The following RASA2 variants were observed in gnomAD, a reference collection of about 807,000 sequenced individuals.
RASA2 encodes RAS p21 protein activator 2, also known as ras GTPase-activating protein 2.
Under a neutral mutation model 118.2 loss-of-function variants are expected in RASA2, and 155 were observed. The ratio of observed to expected loss-of-function variants is 1.31; its 90% CI spans 1.15 to 1.50. The LOEUF (loss-of-function observed/expected upper bound fraction) is 1.50, where lower values mean the gene tolerates loss of function less well. Ranked by LOEUF, RASA2 falls within the 40% of genes most tolerant of loss-of-function variation. The pLI is 0.00. For synonymous variants in RASA2, 353 were observed against 349.1 expected (o/e 1.01, Z -0.12); for missense variants, 1,016 against 1,009.6 (o/e 1.01, Z -0.09).
Position 141,580,347 on chromosome 3 carries a change from G to T in RASA2, c.1591-21G>T, listed in dbSNP as rs766652194. On this transcript the variant is annotated intron_variant, in intron 15 of 23. Coordinates refer to ENST00000286364, the MANE Select transcript of RASA2 (RefSeq NM_006506.5). ...ATTTTCTTGAAAACTTAGTAGTTTTGGTCTTTTTTACATTCTTTAGGATGC... is the reference window on the plus strand; with the variant it reads ...ATTTTCTTGAAAACTTAGTAGTTTTTGTCTTTTTTACATTCTTTAGGATGC... The T allele has an allele frequency of 7.2e-6, 11 of 1,520,464 alleles. No homozygotes were observed. In the African/African-American group the frequency reaches 1.1e-4, roughly 15 times the overall value. The allele number at this position is 1,520,464 out of a possible 1,614,324, so 94.2% of individuals were successfully genotyped here. A position where few individuals can be genotyped will look rare whatever the true frequency, so the allele number is the denominator to read the frequency against.
intron 1 of RASA2, among the ~76,000 whole-genome samples, chr3:141,488,016 G>C (rs1269172983): frequency 6.6e-6 from 1 of 152,184 alleles, no homozygotes; most frequent in Admixed American, 6.5e-5. Flanking sequence ...CTTCTCATGC[G>C]TGTAATTGCT....
intron 1 of RASA2, among the ~76,000 whole-genome samples, chr3:141,505,389 T>G (rs529505721): frequency 2.2e-4 from 34 of 152,232 alleles, no homozygotes; most frequent in Admixed American, 2.0e-3. Flanking sequence ...TAGAAACACA[T>G]GGGAAAGAGT....
At chr3:141,513,200 T>TG (rs2081978173) in intron 2 of RASA2, among the ~76,000 whole-genome samples, 1 of 151,522 alleles carries the variant, frequency 6.6e-6, no homozygotes, top group Admixed American at 6.6e-5. Context: ...GGGATCTGTT[T>TG]TTTTTTTTAT....
At chr3:141,601,491 A>G (rs1356759940) in intron 19 of RASA2, among the ~76,000 whole-genome samples, 1 of 143,586 alleles carries the variant, frequency 7.0e-6, no homozygotes, top group Non-Finnish European at 1.6e-5. Flanking sequence ...CTCAAAGAAA[A>G]TGTGGAAAAA....
intron 5 of RASA2, among the ~76,000 whole-genome samples, chr3:141,542,678 A>C (rs1185365781): frequency 6.6e-6 from 1 of 152,192 alleles, no homozygotes; most frequent in Admixed American, 6.5e-5. Flanking sequence ...ATATAGTTAT[A>C]GATCATTTTA....
intron 9 of RASA2, among the ~76,000 whole-genome samples, chr3:141,566,949 A>G (rs1444163069): frequency 6.6e-6 from 1 of 152,166 alleles, no homozygotes; most frequent in Non-Finnish European, 1.5e-5. Flanking sequence ...CTGAAAATAA[A>G]ATCGTGGGTT....
intron 9 of RASA2, among the ~76,000 whole-genome samples, chr3:141,564,262 G>A (rs561312930): frequency 1.3e-5 from 2 of 152,056 alleles, no homozygotes; most frequent in Non-Finnish European, 2.9e-5. Context: ...TGGAGCTAAA[G>A]GAAATAAAGT....
chr3:141,525,221 G>C (rs1330424417), intron 3 of RASA2: 1 of 152,084 alleles, frequency 6.6e-6, no homozygotes, highest in Non-Finnish European at 1.5e-5. Flanking sequence ...TATATGTTTG[G>C]TTTTAAGCTC....
At position 141,580,371 on chromosome 3, in the gene RASA2, G is replaced by A; in HGVS notation, c.1594G>A (p.Ala532Thr). The change falls in exon 16 of 24, where the codon GCA becomes ACA. Residue 532 changes from alanine to threonine, a missense_variant. By Grantham distance (58) the Ala-to-Thr change is moderately conservative (BLOSUM62 0). Transcript: ENST00000286364. ...TFHLRPHHPD[A>T]QTIRTLTLIS... ...TGGTCTTTTTTACATTCTTTAGGAT[G>A]CACAGACAATTAGAACATTAACTCT... 1 of 1,598,428 alleles carries A rather than the reference G, an allele frequency of 6.3e-7. No homozygotes were observed. Among genetic ancestry groups the A allele is most frequent in the Middle Eastern group, 1.8e-4 (1 of 5,686 alleles).
chr3:141,606,555 G>A (rs2107799578), intron 19 of RASA2, among the ~76,000 whole-genome samples: 1 of 152,208 alleles, frequency 6.6e-6, no homozygotes, highest in Non-Finnish European at 1.5e-5. Context: ...TAAGTGGTTA[G>A]AACAGTGCCT....
rs2083665222 is a variant in RASA2, at chr3:141,612,312, A to G, written c.2549A>G (p.Ter850TrpextTer47). ...KENPIVGKAS[*>W] is the part of the protein sequence containing the mutation. ...AATCCAATTGTTGGGAAAGCATCTT[A>G]GAGTTTAACAGATTGGTTCAGAAGA... Residue 850 changes from the stop codon to tryptophan (W), a stop_lost, in exon 24 of 24, where the codon TAG becomes TGG. Coordinates refer to ENST00000286364, the MANE Select transcript of RASA2 (RefSeq NM_006506.5). 6.3e-7 allele frequency: 1 copy of G among 1,584,554 alleles called. No individual in the cohort carries two copies. Among genetic ancestry groups the G allele is most frequent in the Non-Finnish European group, 8.6e-7 (1 of 1,159,150 alleles).
chr3:141,490,114 G>T (rs1159825813), intron 1 of RASA2, among the ~76,000 whole-genome samples: 2 of 151,990 alleles, frequency 1.3e-5, no homozygotes, highest in Non-Finnish European at 2.9e-5. Flanking sequence ...TGGATTTGCT[G>T]CAGTTTGCGC....
At chr3:141,611,769 A>G (rs796161967) in intron 23 of RASA2, among the ~76,000 whole-genome samples, 4 of 152,306 alleles carry the variant, frequency 2.6e-5, no homozygotes, top group African/African-American at 9.6e-5. Context: ...TTCTTCCTAG[A>G]TAGATGCCTC....
rs767072491 is a variant in RASA2, at chr3:141,571,445, T to C, written c.1060T>C (p.Cys354Arg). Residue 354 changes from cysteine to arginine, a missense_variant, in exon 11 of 24, where the codon TGT becomes CGT. Physicochemically the swap from Cys to Arg is radical, Grantham distance 180. Coordinates refer to ENST00000286364, the MANE Select transcript of RASA2 (RefSeq NM_006506.5). Reference sequence around the variant, plus strand: ...AGCTGCTTACATTTTGAGTGAAATATGTCGAGATAAAAATGATGCTGTTTT... The same window carrying C: ...AGCTGCTTACATTTTGAGTGAAATACGTCGAGATAAAAATGATGCTGTTTT... ...ASAAYILSEI[C>R]RDKNDAVLPL... The C allele has an allele frequency of 4.3e-6, 7 of 1,613,744 alleles. No individual in the cohort carries two copies. The highest frequency in any genetic ancestry group is 5.9e-6 in the Non-Finnish European group (7 of 1,179,870).
At chr3:141,559,497 A>G (rs1053424559) in intron 8 of RASA2, among the ~76,000 whole-genome samples, 1 of 152,006 alleles carries the variant, frequency 6.6e-6, no homozygotes, top group African/African-American at 2.4e-5. Flanking sequence ...TGGTATATTA[A>G]TCATGTGTTT....
At chr3:141,549,295 C>T (rs1219353721) in intron 5 of RASA2, among the ~76,000 whole-genome samples, 1 of 152,112 alleles carries the variant, frequency 6.6e-6, no homozygotes, top group East Asian at 1.9e-4. Flanking sequence ...TTTACCTTCT[C>T]TCCTACATGG....
At chr3:141,499,013 A>T (rs2081741547) in intron 1 of RASA2, among the ~76,000 whole-genome samples, 2 of 152,216 alleles carry the variant, frequency 1.3e-5, no homozygotes, top group Middle Eastern at 3.2e-3. Flanking sequence ...CCTGCCCGCA[A>T]CTTGGTGACG....
At chr3:141,511,022 A>G (rs1390360105) in intron 1 of RASA2, among the ~76,000 whole-genome samples, 1 of 152,168 alleles carries the variant, frequency 6.6e-6, no homozygotes, top group Non-Finnish European at 1.5e-5. Context: ...TGTTCGAATA[A>G]AAGATTGTGG....
intron 4 of RASA2, among the ~76,000 whole-genome samples, chr3:141,532,928 A>G (rs1007094320): frequency 6.6e-6 from 1 of 152,162 alleles, no homozygotes; most frequent in African/African-American, 2.4e-5. Context: ...CATGAAGTGA[A>G]TAATGTTTTC....
Sources: gnomAD v4.1 joint callset for allele counts (sites outside exome capture counted in the v4.1 genomes callset) on GRCh38, gnomAD v4.1.1 for gene constraint, MANE v1.5 for transcripts, NCBI Gene and HGNC (gene_info 2026-07-23, HGNC 2026-07-21) for gene names.